Variants in RHBDL3 observed in about 807,000 individuals in gnomAD.
The protein encoded by RHBDL3 is rhomboid-related protein 3.
RHBDL3 carries 28 observed loss-of-function variants against 48.2 expected under a neutral mutation model. That is an observed-to-expected ratio of 0.58 (90% CI 0.43 to 0.80). RHBDL3 has a LOEUF of 0.80. Among genes scored for constraint, RHBDL3 ranks in the 30% least tolerant of loss-of-function variants. The pLI is 0.00. For missense variants in RHBDL3, 464 were observed against 542.7 expected, an observed-to-expected ratio of 0.85 and a Z score of 1.44; for synonymous variants, 208 against 232.3, an observed-to-expected ratio of 0.90 and a Z score of 0.95.
chr17:32,302,923 GAA>G (rs1261508925), intron 6 of RHBDL3, among the ~76,000 whole-genome samples: 1 of 152,202 alleles, frequency 6.6e-6, no homozygotes, highest in Non-Finnish European at 1.5e-5. Flanking sequence ...GGGCGTCCCT[GAA>G]AAGTTTCCTT....
chr17:32,267,988 T>A (rs534222615), intron 2 of RHBDL3, 63 bp downstream of exon 2: 2 of 1,316,220 alleles, frequency 1.5e-6, no homozygotes, highest in Admixed American at 1.7e-5. Context: ...TCAGTCTCCC[T>A]GCTTGCGTGG....
intron 8 of RHBDL3, among the ~76,000 whole-genome samples, chr17:32,318,164 G>A (rs1351421068): frequency 1.3e-5 from 2 of 151,324 alleles, no homozygotes; most frequent in Non-Finnish European, 2.9e-5. Context: ...CAGCCTGGGC[G>A]ACAGAGCAAG....
rs2041147006 is a variant in RHBDL3, at chr17:32,322,071, C to G, written c.*842C>G. The G allele has an allele frequency of 6.5e-6, 1 of 153,186 alleles. No individual in the cohort carries two copies. Among genetic ancestry groups the G allele is most frequent in the African/African-American group, 2.4e-5 (1 of 41,466 alleles). The allele number at this position is 153,186 out of a possible 1,614,324, so 9.5% of individuals were successfully genotyped here. On this transcript the variant is annotated 3_prime_UTR_variant, in exon 9 of 9. Transcript: ENST00000269051. Reference sequence around the variant, plus strand: ...TTTCTTTCCTTTTGCTGCCCTGACACTACTTTGTGCCTCTCTTTGGTTATG... The same window carrying G: ...TTTCTTTCCTTTTGCTGCCCTGACAGTACTTTGTGCCTCTCTTTGGTTATG...
At chr17:32,303,307 G>C (rs966451693) in intron 6 of RHBDL3, among the ~76,000 whole-genome samples, 6 of 152,188 alleles carry the variant, frequency 3.9e-5, no homozygotes, top group African/African-American at 1.4e-4. Flanking sequence ...GGGAGGCTGG[G>C]GCTTCCTCTG....
At chr17:32,288,749 G>C (rs2040255507) in intron 3 of RHBDL3, 43 bp from the exon 4 acceptor site, 4 of 1,485,148 alleles carry the variant, frequency 2.7e-6, no homozygotes, top group Non-Finnish European at 3.7e-6. Context: ...GAGCTCCGCT[G>C]GGCCCCAGCT....
chr17:32,317,920 A>AG (rs775381154), intron 8 of RHBDL3, among the ~76,000 whole-genome samples: 2 of 151,992 alleles, frequency 1.3e-5, no homozygotes, highest in East Asian at 3.9e-4. Context: ...GAAGCAATGG[A>AG]GGTAGGGGTC....
At chr17:32,270,570 G>A (rs1233658669) in intron 2 of RHBDL3, among the ~76,000 whole-genome samples, 1 of 152,036 alleles carries the variant, frequency 6.6e-6, no homozygotes, top group East Asian at 1.9e-4. Flanking sequence ...ATGAAAGCAG[G>A]TGACCCCAGT....
At chr17:32,267,723 G>C (rs955305290) in intron 1 of RHBDL3, 179 bp from the exon 2 acceptor site, 1 of 1,464,496 alleles carries the variant, frequency 6.8e-7, no homozygotes, top group African/African-American at 1.4e-5. Flanking sequence ...ACTCATTGGG[G>C]AGCTCCTCCC....
In RHBDL3 at chr17:32,321,637, T is replaced by G; in HGVS notation, c.*408T>G. ...GAGACATGGGAAGGCTCGAAGGTTG[T>G]TGCGTCCAGGCATGGCCCCTCTCTA... is the stretch of plus-strand genomic sequence containing the variant. On this transcript the variant is annotated 3_prime_UTR_variant, in exon 9 of 9. Transcript: ENST00000269051. 1 of 335,082 alleles carries G rather than the reference T, an allele frequency of 3.0e-6. No homozygotes were observed. Among genetic ancestry groups the G allele is most frequent in the Non-Finnish European group, 5.8e-6 (1 of 172,756 alleles). The allele number at this position is 335,082 out of a possible 1,614,324, so 20.8% of individuals were successfully genotyped here.
At chr17:32,276,302 A>AAG (rs2039898038) in intron 2 of RHBDL3, among the ~76,000 whole-genome samples, 2 of 152,268 alleles carry the variant, frequency 1.3e-5, no homozygotes, top group South Asian at 4.1e-4. Flanking sequence ...GGAAAAGATC[A>AAG]AGGGAAGGGT....
chr17:32,293,691 G>GT (rs1189745172), intron 4 of RHBDL3, among the ~76,000 whole-genome samples: 1 of 152,078 alleles, frequency 6.6e-6, no homozygotes, highest in Non-Finnish European at 1.5e-5. Context: ...AAGTGGGTGC[G>GT]TGAGTTATTA....
intron 5 of RHBDL3, among the ~76,000 whole-genome samples, chr17:32,295,451 C>T (rs113524975): frequency 6.6e-6 from 1 of 152,332 alleles, no homozygotes; most frequent in African/African-American, 2.4e-5. Flanking sequence ...CCCCAGGCTT[C>T]GATCTTACAG....
At chr17:32,305,787 A>G (rs2040697106) in intron 7 of RHBDL3, among the ~76,000 whole-genome samples, 1 of 151,836 alleles carries the variant, frequency 6.6e-6, no homozygotes, top group African/African-American at 2.4e-5. Flanking sequence ...GCGTGGTGGC[A>G]TGCGCCTGTA....
chr17:32,280,470 CCTT>C (rs1300025134), intron 2 of RHBDL3: 1 of 152,178 alleles, frequency 6.6e-6, no homozygotes, highest in Non-Finnish European at 1.5e-5. Flanking sequence ...TCCCAGTCCT[CCTT>C]AAGCAGGCTG....
At chr17:32,294,520 T>C (rs1286473856) in intron 5 of RHBDL3, 78 bp downstream of exon 5, 3 of 1,332,556 alleles carry the variant, frequency 2.3e-6, no homozygotes, top group African/African-American at 1.5e-5. Flanking sequence ...GATTGAAATA[T>C]AGTTTTTAGT....
chr17:32,298,431 A>G (rs1422773049), intron 6 of RHBDL3, among the ~76,000 whole-genome samples: 10 of 152,236 alleles, frequency 6.6e-5, no homozygotes, highest in African/African-American at 2.4e-4. Context: ...GGAGGAGAGC[A>G]CTGGATTTGG....
intron 7 of RHBDL3, among the ~76,000 whole-genome samples, chr17:32,307,684 T>TGTGC (rs2040743853): frequency 6.6e-6 from 1 of 152,168 alleles, no homozygotes; most frequent in African/African-American, 2.4e-5. Context: ...TCAGTGTGTG[T>TGTGC]GTGCAGGTGT....
chr17:32,281,735 A>G lies in RHBDL3; in HGVS notation c.136-2924A>G, dbSNP rs745749295. Among the ~76,000 whole-genome samples the G allele has an allele frequency of 6.6e-5, 10 of 152,264 alleles. No homozygotes were observed. The East Asian group carries it at 9.6e-4, about 15-fold the overall frequency. On this transcript the variant is annotated intron_variant, in intron 2 of 8. Transcript: ENST00000269051. ...TTAGCTGAGCAATGGAGGAGGTCAG[A>G]GCTGTTGCTGTCCGGGGCTGTTTCC...
chr17:32,321,958 C>A lies in RHBDL3; in HGVS notation c.*729C>A, dbSNP rs886575286. 6.5e-6 allele frequency: 1 copy of A among 153,012 alleles called. No homozygotes were observed. The highest frequency in any genetic ancestry group is 1.5e-5 in the Non-Finnish European group (1 of 68,630). The allele number at this position is 153,012 out of a possible 1,614,324, so 9.5% of individuals were successfully genotyped here. A position where few individuals can be genotyped will look rare whatever the true frequency, so the allele number is the denominator to read the frequency against. On this transcript the variant is annotated 3_prime_UTR_variant, in exon 9 of 9. Coordinates refer to ENST00000269051, the MANE Select transcript of RHBDL3 (RefSeq NM_138328.3). ...CTGGAGAAGACAGACCCAGGACCAG[C>A]TTCAGACTTCTCCCTCCCTTTCTTC...
Sources: allele counts gnomAD v4.1 joint callset (sites outside exome capture counted in the v4.1 genomes callset), GRCh38; gene constraint gnomAD v4.1.1; transcripts MANE v1.5; gene names NCBI Gene and HGNC (gene_info 2026-07-23, HGNC 2026-07-21).